ZNF85: variants seen among roughly 807,000 people sequenced by gnomAD.
The protein encoded by ZNF85 is zinc finger protein 85, also known as zinc finger protein 85 (HPF4, HTF1).
In ZNF85, 50 loss-of-function variants were observed where a neutral mutation model predicts 53.9. The ratio of observed to expected loss-of-function variants is 0.93; its 90% CI spans 0.74 to 1.17. The LOEUF is 1.17. ZNF85 is among the 50% of genes most tolerant of loss of function. The probability of loss-of-function intolerance (pLI) is 0.00; values close to 1 mark genes in which losing one functional copy is unlikely to be tolerated. For missense variants in ZNF85, 747 were observed against 688.5 expected (o/e 1.08, Z -0.95); for synonymous variants, 225 against 226.1 (o/e 1.00, Z 0.04).
intron 1 of ZNF85, among the ~76,000 whole-genome samples, chr19:20,929,991 T>G (rs1221379144): frequency 6.6e-6 from 1 of 151,960 alleles, no homozygotes; most frequent in African/African-American, 2.4e-5. Flanking sequence ...TATGTTGGCA[T>G]GCACCCGTAA....
Position 20,950,114 on chromosome 19 carries a change from G to A in ZNF85, c.1600G>A (p.Gly534Arg), listed in dbSNP as rs780610670. The change falls in exon 4 of 4, where the codon GGA becomes AGA. Residue 534 changes from glycine to arginine, a missense_variant. Transcript: ENST00000328178. ...TACCAAACATAAGAAAATTCATACT[G>A]GAGAGAAACCCTACACATGTGAAGA... The part of the protein sequence containing the change: ...KLTKHKKIHT[G>R]EKPYTCEECG... 6.2e-7 allele frequency: 1 copy of A among 1,613,542 alleles called. No individual in the cohort carries two copies. Among genetic ancestry groups the A allele is most frequent in the Non-Finnish European group, 8.5e-7 (1 of 1,179,864 alleles).
rs2144675559 is a variant in ZNF85 at position 20,948,686 on chromosome 19, A to G, written c.230-58A>G. 17 of 1,295,860 alleles carry G rather than the reference A, an allele frequency of 1.3e-5. No homozygotes were observed. In the South Asian group the frequency reaches 2.6e-4, roughly 20 times the overall value. 80.3% of individuals were successfully genotyped at this position (1,295,860 alleles called of 1,614,324 possible). ...GTTTAATTTTATATATTACATTTGT[A>G]AACTATCTTCATCTAAGTCTAGCAA... On this transcript the variant is annotated intron_variant, in intron 3 of 3. Coordinates refer to ENST00000328178, the MANE Select transcript of ZNF85 (RefSeq NM_003429.5).
intron 3 of ZNF85, among the ~76,000 whole-genome samples, chr19:20,939,743 T>C (rs1473182296): frequency 6.6e-6 from 1 of 151,496 alleles, no homozygotes; most frequent in Non-Finnish European, 1.5e-5. Context: ...TGACCCCCAG[T>C]CTGGAGTGCA....
intron 3 of ZNF85, chr19:20,945,795 A>T (rs997310172): frequency 6.6e-6 from 1 of 152,184 alleles, no homozygotes; most frequent in African/African-American, 2.4e-5. Flanking sequence ...TATTCCAGTA[A>T]TTTTATATTT....
intron 3 of ZNF85, among the ~76,000 whole-genome samples, chr19:20,947,477 G>A (rs12610750): frequency 0.38 from 50,048 of 132,878 alleles, 9,921 homozygotes; most frequent in East Asian, 0.46. Context: ...GGCATATGCA[G>A]TGCCAATACA....
rs149907913 is a variant in ZNF85, at chr19:20,923,578, G to T, written c.3+175G>T. ...CCATAAGATGGCGGCTGCGCTGACA[G>T]CCGGCCCGGGCGTCCTGTCTCTTCC... is the stretch of plus-strand genomic sequence containing the variant. On this transcript the variant is annotated intron_variant, in intron 1 of 3. Coordinates refer to ENST00000328178, the MANE Select transcript of ZNF85 (RefSeq NM_003429.5). Among the ~76,000 whole-genome samples, 41 of 152,278 alleles carry T rather than the reference G, an allele frequency of 2.7e-4. No homozygotes were observed. In the East Asian group the frequency reaches 7.7e-3, roughly 29 times the overall value.
At position 20,950,437 on chromosome 19, in the gene ZNF85, G is replaced by A. The variant is rs56339351; in HGVS notation, c.*135G>A. The A allele has an allele frequency of 0.11, 68,710 of 606,994 alleles. 4,300 individuals carry two copies. The highest frequency in any genetic ancestry group is 0.12 in the Non-Finnish European group (46,535 of 375,128). 37.6% of individuals were successfully genotyped at this position (606,994 alleles called of 1,614,324 possible). ...TCAGACTTATAAAAGTAATCATACT[G>A]GTGAGAAATTCTAAAAATGTGAAGA... On this transcript the variant is annotated 3_prime_UTR_variant, in exon 4 of 4. Coordinates refer to ENST00000328178, the MANE Select transcript of ZNF85 (RefSeq NM_003429.5).
intron 1 of ZNF85, among the ~76,000 whole-genome samples, chr19:20,923,964 A>C (rs1358247394): frequency 6.6e-6 from 1 of 152,104 alleles, no homozygotes; most frequent in East Asian, 1.9e-4. Context: ...GCGCGCCTGC[A>C]ATCCCAGCTA....
chr19:20,931,860 G>T (rs1358785363), intron 1 of ZNF85, among the ~76,000 whole-genome samples: 1 of 152,016 alleles, frequency 6.6e-6, no homozygotes, highest in Non-Finnish European at 1.5e-5. Context: ...GCCTGCCTCG[G>T]CCTCCCAAAG....
intron 3 of ZNF85, among the ~76,000 whole-genome samples, chr19:20,947,705 TTGTG>T (rs1247766692): frequency 4.0e-5 from 6 of 151,470 alleles, no homozygotes; most frequent in Non-Finnish European, 8.9e-5. Context: ...ATAAATATCT[TTGTG>T]TGTATTCTAG....
At position 20,933,993 on chromosome 19, in the gene ZNF85, GTGTGTA is replaced by G. The variant is rs758838273; in HGVS notation, c.4-19_4-14del. The G allele has an allele frequency of 4.5e-4, 594 of 1,307,344 alleles. 6 individuals carry two copies. In the African/African-American group the frequency reaches 6.2e-3, roughly 14 times the overall value. 81.0% of individuals were successfully genotyped at this position (1,307,344 alleles called of 1,614,324 possible). A position where few individuals can be genotyped will look rare whatever the true frequency, so the allele number is the denominator to read the frequency against. On this transcript the variant is annotated intron_variant, in intron 1 of 3. Transcript: ENST00000328178. Reference sequence around the variant, plus strand: ...TGTGTGTGTGTGTGTGTGTGTGTGTGTGTGTATGTGTATGTGTGTGTATCTTTCAGG... The same window carrying G: ...TGTGTGTGTGTGTGTGTGTGTGTGTGTGTGTATGTGTGTGTATCTTTCAGG...
rs202237395 is a variant in ZNF85, at chr19:20,948,778, G to A, written c.264G>A (p.Pro88=). 57 of 1,588,368 alleles carry A rather than the reference G, an allele frequency of 3.6e-5. No homozygotes were observed. Among genetic ancestry groups the A allele is most frequent in the East Asian group, 2.7e-4 (12 of 44,646 alleles). The change falls in exon 4 of 4, where the codon CCG becomes CCA. Residue 88 remains proline, a synonymous_variant. Coordinates refer to ENST00000328178, the MANE Select transcript of ZNF85 (RefSeq NM_003429.5). The stretch of plus-strand genomic sequence containing the variant: ...CTCATTTTGCCCAAGACCTTTGGCC[G>A]GAGCAGAATATAAAAGATTCTTTCC... ...MCSHFAQDLW[P]EQNIKDSFQK...
chr19:20,949,408 T>G lies in ZNF85; in HGVS notation c.894T>G (p.Ser298=). The change falls in exon 4 of 4, where the codon TCT becomes TCG. Residue 298 remains serine (S), a synonymous_variant. Coordinates refer to ENST00000328178, the MANE Select transcript of ZNF85 (RefSeq NM_003429.5). ...AATGTGGTAAAGCTTTTAACCGATC[T>G]TCAACCCTTACTACCCATAGAAAAA... ...CKECGKAFNR[S]STLTTHRKIH... 1 of 1,605,066 alleles carries G rather than the reference T, an allele frequency of 6.2e-7. No individual in the cohort carries two copies. The highest frequency in any genetic ancestry group is 8.5e-7 in the Non-Finnish European group (1 of 1,175,716).
chr19:20,942,900 C>T (rs1000178116), intron 3 of ZNF85: 7 of 680,628 alleles, frequency 1.0e-5, no homozygotes, highest in Admixed American at 4.3e-5. Context: ...CTCAGCCTCC[C>T]GAGTAGCTTG....
rs1475088256 is a variant in ZNF85, at chr19:20,950,357, T to G, written c.*55T>G. 3 of 1,255,700 alleles carry G rather than the reference T, an allele frequency of 2.4e-6. No homozygotes were observed. In the East Asian group the frequency reaches 7.3e-5, roughly 31 times the overall value. 77.8% of individuals were successfully genotyped at this position (1,255,700 alleles called of 1,614,324 possible). ...AAGTCTTACTAAACATAAGAAAATT[T>G]ATACTGGAGAGAAACTACTAACCTG... is the stretch of plus-strand genomic sequence containing the variant. On this transcript the variant is annotated 3_prime_UTR_variant, in exon 4 of 4. Coordinates refer to ENST00000328178, the MANE Select transcript of ZNF85 (RefSeq NM_003429.5).
intron 3 of ZNF85, among the ~76,000 whole-genome samples, chr19:20,938,462 C>T (rs1973210769): frequency 6.6e-6 from 1 of 151,954 alleles, no homozygotes; most frequent in South Asian, 2.1e-4. Context: ...CTGGCTCTCT[C>T]ATAAGGGCAT....
At chr19:20,935,940 G>C (rs557032831) in intron 3 of ZNF85, among the ~76,000 whole-genome samples, 4 of 152,086 alleles carry the variant, frequency 2.6e-5, no homozygotes, top group African/African-American at 9.6e-5. Flanking sequence ...TCAATGCATA[G>C]ACATAAAATA....
Position 20,950,333 on chromosome 19 carries a change from A to T in ZNF85, c.*31A>T. Reference sequence around the variant, plus strand: ...ATGGCAAAGCTTTAATCAATTTACAAGTCTTACTAAACATAAGAAAATTTA... The same window carrying T: ...ATGGCAAAGCTTTAATCAATTTACATGTCTTACTAAACATAAGAAAATTTA... On this transcript the variant is annotated 3_prime_UTR_variant, in exon 4 of 4. Coordinates refer to ENST00000328178, the MANE Select transcript of ZNF85 (RefSeq NM_003429.5). 1 of 1,444,524 alleles carries T rather than the reference A, an allele frequency of 6.9e-7. No individual in the cohort carries two copies. The highest frequency in any genetic ancestry group is 9.2e-7 in the Non-Finnish European group (1 of 1,081,860). 89.5% of individuals were successfully genotyped at this position (1,444,524 alleles called of 1,614,324 possible).
At position 20,944,836 on chromosome 19, in the gene ZNF85, A is replaced by AT. The variant is rs200662869; in HGVS notation, c.230-3905dup. 5.6e-3 allele frequency among the ~76,000 whole-genome samples: 846 copies of AT among 152,262 alleles called. 4 individuals are homozygous for AT. Among genetic ancestry groups the AT allele is most frequent in the African/African-American group, 0.019 (788 of 41,576 alleles). On this transcript the variant is annotated intron_variant, in intron 3 of 3. Transcript: ENST00000328178. ...GTGTATGAAAATATTTAACTCTGCA[A>AT]TTTATGACAGTGTGAAGCAAAATCA...
Sources: allele counts gnomAD v4.1 joint callset (sites outside exome capture counted in the v4.1 genomes callset), GRCh38; gene constraint gnomAD v4.1.1; transcripts MANE v1.5; gene names NCBI Gene and HGNC (gene_info 2026-07-23, HGNC 2026-07-21).